The following CPLX1 variants were observed in gnomAD, a reference collection of about 807,000 sequenced individuals.
The protein encoded by CPLX1 is complexin-1.
Under a neutral mutation model 15.6 loss-of-function variants are expected in CPLX1, and 6 were observed. The observed-to-expected ratio is 0.39, with a 90% CI of 0.21 to 0.76. The LOEUF is 0.76. Ranked by LOEUF, CPLX1 falls within the 30% of genes least tolerant of loss-of-function variation. CPLX1 has a pLI of 0.43. For missense variants in CPLX1, 242 were observed against 188.6 expected (o/e 1.28, Z -1.66); for synonymous variants, 91 against 75.2 (o/e 1.21, Z -1.08).
At position 824,526 on chromosome 4, in the gene CPLX1, G is replaced by A. The variant is rs764441263; in HGVS notation, c.-4C>T. The A allele has an allele frequency of 5.6e-6, 9 of 1,612,702 alleles. No individual in the cohort carries two copies. Among genetic ancestry groups the A allele is most frequent in the East Asian group, 4.5e-5 (2 of 44,892 alleles). ...CCTGCTTCATCACAAACTCCATGGCGATTGCTCTGCTTCCACAGTGGCTCC... is the reference window on the plus strand; with the variant it reads ...CCTGCTTCATCACAAACTCCATGGCAATTGCTCTGCTTCCACAGTGGCTCC... On this transcript the variant is annotated 5_prime_UTR_variant, in exon 2 of 4. Coordinates refer to ENST00000304062, the MANE Select transcript of CPLX1 (RefSeq NM_006651.4).
chr4:824,615 A>G lies in CPLX1; in HGVS notation c.-79-14T>C, dbSNP rs1275079057. 2 of 1,397,182 alleles carry G rather than the reference A, an allele frequency of 1.4e-6. No homozygotes were observed. Among genetic ancestry groups the G allele is most frequent in the Admixed American group, 3.4e-5 (2 of 59,680 alleles). 86.5% of individuals were successfully genotyped at this position (1,397,182 alleles called of 1,614,324 possible). ...CGAGTGTTCTTCCTGGGGGAGAGTG[A>G]AGTGGTCACAGGTCACCCTAAGCAG... On this transcript the variant is annotated splice_polypyrimidine_tract_variant and intron_variant, in intron 1 of 3. Transcript: ENST00000304062.
chr4:795,940 A>G (rs1445679070), intron 2 of CPLX1, among the ~76,000 whole-genome samples: 1 of 152,082 alleles, frequency 6.6e-6, no homozygotes, highest in Non-Finnish European at 1.5e-5. Context: ...GGGTGGGGTC[A>G]GGGCCGCGCG....
chr4:810,496 A>G (rs926859692), intron 2 of CPLX1, among the ~76,000 whole-genome samples: 3 of 152,194 alleles, frequency 2.0e-5, no homozygotes, highest in African/African-American at 7.2e-5. Context: ...GGAGAGCATG[A>G]GGGCGTGGGT....
chr4:812,519 A>G (rs936366171), intron 2 of CPLX1, among the ~76,000 whole-genome samples: 1 of 152,222 alleles, frequency 6.6e-6, no homozygotes, highest in African/African-American at 2.4e-5. Flanking sequence ...AAGGGCGTCC[A>G]TCAGAGTAAT....
At chr4:801,751 G>A (rs747466808) in intron 2 of CPLX1, among the ~76,000 whole-genome samples, 10 of 152,152 alleles carry the variant, frequency 6.6e-5, no homozygotes, top group Admixed American at 2.6e-4. Context: ...TGTCCCTTTC[G>A]TTACATGATG....
intron 3 of CPLX1, chr4:786,964 G>A: frequency 1.0e-6 from 1 of 985,264 alleles, no homozygotes; most frequent in Non-Finnish European, 1.2e-6. Flanking sequence ...TGAGAGGAGA[G>A]AGGGCTGTGG....
chr4:798,560 T>C (rs1012556433), intron 2 of CPLX1, among the ~76,000 whole-genome samples: 2 of 152,126 alleles, frequency 1.3e-5, no homozygotes, highest in Non-Finnish European at 2.9e-5. Flanking sequence ...CCCAGCTAAT[T>C]TTTTAAAAAC....
chr4:794,046 G>C (rs534727066), intron 2 of CPLX1, among the ~76,000 whole-genome samples: 1 of 152,336 alleles, frequency 6.6e-6, no homozygotes, highest in South Asian at 2.1e-4. Flanking sequence ...CGTGCTATAC[G>C]GAGCCTGGGG....
chr4:825,960 C>G (rs1462280903), intron 1 of CPLX1, 86 bp downstream of exon 1: 1 of 138,328 alleles, frequency 7.2e-6, no homozygotes, highest in African/African-American at 2.7e-5. Context: ...CGGGGAGAAG[C>G]GGGGGCCGGG....
rs1053584776 is a variant in CPLX1 at position 823,199 on chromosome 4, G to T, written c.31+1293C>A. Among the ~76,000 whole-genome samples the T allele has an allele frequency of 2.0e-5, 3 of 152,310 alleles. No homozygotes were observed. In the East Asian group the frequency reaches 5.8e-4, roughly 29 times the overall value. ...AACGTGCGTCCCTCCCAGCGCAGAT[G>T]CAGGCTTGTCCCTGAATCACAGCCC... On this transcript the variant is annotated intron_variant, in intron 2 of 3. Transcript: ENST00000304062.
chr4:814,245 G>A (rs981720364), intron 2 of CPLX1, among the ~76,000 whole-genome samples: 4 of 151,646 alleles, frequency 2.6e-5, no homozygotes, highest in African/African-American at 4.9e-5. Flanking sequence ...ACGGAGTCTC[G>A]CTCTGTTGCC....
chr4:815,817 G>T (rs1266441003), intron 2 of CPLX1, among the ~76,000 whole-genome samples: 1 of 152,224 alleles, frequency 6.6e-6, no homozygotes, highest in Non-Finnish European at 1.5e-5. Flanking sequence ...CCAGGCTCTT[G>T]TTACAACGGG....
At chr4:819,622 TC>T (rs1295654823) in intron 2 of CPLX1, among the ~76,000 whole-genome samples, 3 of 152,114 alleles carry the variant, frequency 2.0e-5, no homozygotes, top group Non-Finnish European at 4.4e-5. Flanking sequence ...AAACCAAGTC[TC>T]CCCAAGTTGG....
chr4:798,272 C>CAAAAAA (rs35668656), intron 2 of CPLX1, among the ~76,000 whole-genome samples: 12 of 75,394 alleles, frequency 1.6e-4, no homozygotes, highest in African/African-American at 2.8e-4. Context: ...GACTCCGTCT[C>CAAAAAA]AAAAAAAAAA....
chr4:792,685 C>T, intron 2 of CPLX1, 77 bp from the exon 3 acceptor site: 1 of 1,481,834 alleles, frequency 6.7e-7, no homozygotes, highest in Non-Finnish European at 9.1e-7. Flanking sequence ...CACACTCCCC[C>T]ACCTTCTGGC....
At chr4:806,884 G>A (rs1409205587) in intron 2 of CPLX1, among the ~76,000 whole-genome samples, 1 of 152,206 alleles carries the variant, frequency 6.6e-6, no homozygotes, top group Admixed American at 6.5e-5. Flanking sequence ...TGATGGGAGT[G>A]TAAATTAGTT....
At position 825,387 on chromosome 4, in the gene CPLX1, C is replaced by G. The variant is rs374378111; in HGVS notation, c.-80+659G>C. ...TCGCCCTCCGCAGAGGAAGGAGACTCGCGCGGGGACTGGGAGGGCGGCGGG... is the reference window on the plus strand; with the variant it reads ...TCGCCCTCCGCAGAGGAAGGAGACTGGCGCGGGGACTGGGAGGGCGGCGGG... On this transcript the variant is annotated intron_variant, in intron 1 of 3. Transcript: ENST00000304062. Among the ~76,000 whole-genome samples the G allele has an allele frequency of 2.6e-5, 4 of 152,314 alleles. No individual in the cohort carries two copies. The East Asian group carries it at 7.7e-4, about 29-fold the overall frequency.
intron 2 of CPLX1, among the ~76,000 whole-genome samples, chr4:794,974 C>G (rs968685474): frequency 1.3e-5 from 2 of 152,212 alleles, no homozygotes; most frequent in African/African-American, 4.8e-5. Context: ...AGTGTGGAGG[C>G]CCCACTTGAG....
At chr4:800,441 C>A (rs551513696) in intron 2 of CPLX1, among the ~76,000 whole-genome samples, 99 of 151,380 alleles carry the variant, frequency 6.5e-4, no homozygotes, top group African/African-American at 2.2e-3. Context: ...TCGAGACCAG[C>A]CTGGGCAAAA....
Sources: gnomAD v4.1 joint callset for allele counts (sites outside exome capture counted in the v4.1 genomes callset) on GRCh38, gnomAD v4.1.1 for gene constraint, MANE v1.5 for transcripts, NCBI Gene and HGNC (gene_info 2026-07-23, HGNC 2026-07-21) for gene names.